RNLS: variants seen among roughly 807,000 people sequenced by gnomAD.
RNLS encodes renalase.
Under a neutral mutation model 39.8 loss-of-function variants are expected in RNLS, and 39 were observed. That is an observed-to-expected ratio of 0.98 (90% CI 0.76 to 1.28). The LOEUF (loss-of-function observed/expected upper bound fraction) is 1.28. RNLS is among the 50% of genes most tolerant of loss of function. The pLI, the probability that RNLS is intolerant of heterozygous loss-of-function variation, is 0.00. For missense variants in RNLS, 410 were observed against 413.3 expected (o/e 0.99, Z 0.07); for synonymous variants, 147 against 150.7 (o/e 0.98, Z 0.18).
At chr10:88,187,556 C>T in the RNLS span, among the ~76,000 whole-genome samples, 1 of 152,188 alleles carries the variant, frequency 6.6e-6, no homozygotes, top group Non-Finnish European at 1.5e-5. Context: ...CTTCTGTTGT[C>T]ATGGTGGCCT....
the RNLS span, among the ~76,000 whole-genome samples, chr10:88,258,272 C>A: frequency 1.3e-5 from 2 of 152,112 alleles, no homozygotes; most frequent in African/African-American, 4.8e-5. Context: ...GTAAGAGATT[C>A]TTTTAGTCAT....
In RNLS at chr10:88,520,088, G is replaced by A. The variant is rs560057476; in HGVS notation, c.526+52815C>T. Among the ~76,000 whole-genome samples the A allele has an allele frequency of 1.4e-4, 21 of 152,102 alleles. No individual in the cohort carries two copies. In the South Asian group the frequency reaches 4.1e-3, roughly 30 times the overall value. On this transcript the variant is annotated intron_variant, in intron 4 of 6. Transcript: ENST00000331772. ...TGCATGAAAAGTGGACAGCTGTCTG[G>A]AAGTGCCTCATTCCCTGATTCAGGG...
chr10:88,393,938 G>A, intron 4 of RNLS, among the ~76,000 whole-genome samples: 1 of 152,124 alleles, frequency 6.6e-6, no homozygotes, highest in Non-Finnish European at 1.5e-5. Context: ...AACAAGCAAT[G>A]GGGAAAGGAT....
chr10:88,178,294 G>A, the RNLS span, among the ~76,000 whole-genome samples: 2 of 152,146 alleles, frequency 1.3e-5, no homozygotes, highest in African/African-American at 4.8e-5. Flanking sequence ...TTGTACTCTG[G>A]TGGTTTCTTT....
intron 6 of RNLS, among the ~76,000 whole-genome samples, chr10:88,287,714 G>C (rs1290075736): frequency 6.6e-6 from 1 of 152,222 alleles, no homozygotes; most frequent in East Asian, 1.9e-4. Context: ...GTCTTACATG[G>C]CAGCAGGCAA....
intron 4 of RNLS, among the ~76,000 whole-genome samples, chr10:88,469,824 T>C (rs1483243876): frequency 1.8e-4 from 7 of 39,014 alleles, no homozygotes; most frequent in Non-Finnish European, 3.9e-4. Flanking sequence ...TGTGTGTGCG[T>C]GTGTGTGTGT....
chr10:88,420,192 C>A (rs1403277392), intron 4 of RNLS, among the ~76,000 whole-genome samples: 1 of 151,828 alleles, frequency 6.6e-6, no homozygotes, highest in South Asian at 2.1e-4. Context: ...AATAGGCGTG[C>A]AATTTATAGA....
chr10:88,405,603 A>T (rs1440220284), intron 4 of RNLS, among the ~76,000 whole-genome samples: 1 of 151,982 alleles, frequency 6.6e-6, no homozygotes, highest in Non-Finnish European at 1.5e-5. Context: ...GTGTTAGGTG[A>T]GTCTCCTGAA....
intron 6 of RNLS, among the ~76,000 whole-genome samples, chr10:88,302,634 A>G (rs1399104937): frequency 6.6e-6 from 1 of 152,214 alleles, no homozygotes; most frequent in Non-Finnish European, 1.5e-5. Flanking sequence ...TTGAACCTCA[A>G]GTTTCAAAGA....
At chr10:88,192,636 C>T in the RNLS span, among the ~76,000 whole-genome samples, 16 of 152,138 alleles carry the variant, frequency 1.1e-4, no homozygotes, top group Non-Finnish European at 2.1e-4. Flanking sequence ...ACCCTGAATG[C>T]GTTCATGGAA....
chr10:88,176,558 AT>A, the RNLS span, among the ~76,000 whole-genome samples: 3 of 152,022 alleles, frequency 2.0e-5, no homozygotes, highest in African/African-American at 7.2e-5. Context: ...TTTGTTAATT[AT>A]TTTTTGGCTG....
chr10:88,241,248 CA>C, the RNLS span, among the ~76,000 whole-genome samples: 276 of 133,332 alleles, frequency 2.1e-3, no homozygotes, highest in Admixed American at 3.3e-3. Flanking sequence ...TTTAATTTTT[CA>C]AAAAAAAAAA....
chr10:88,210,349 G>A, the RNLS span, among the ~76,000 whole-genome samples: 1 of 152,146 alleles, frequency 6.6e-6, no homozygotes, highest in East Asian at 1.9e-4. Context: ...AGAAAATGTT[G>A]AGTTGTGCAA....
intron 4 of RNLS, among the ~76,000 whole-genome samples, chr10:88,417,436 A>G (rs1411107161): frequency 6.6e-6 from 1 of 152,372 alleles, no homozygotes; most frequent in East Asian, 1.9e-4. Flanking sequence ...AAACAGCAAG[A>G]GTCCACATTT....
Position 88,583,241 on chromosome 10 carries a change from G to C in RNLS, c.-51C>G, listed in dbSNP as rs948350062. The C allele has an allele frequency of 1.9e-6, 3 of 1,603,346 alleles. No individual in the cohort carries two copies. The highest frequency in any genetic ancestry group is 2.6e-6 in the Non-Finnish European group (3 of 1,176,468). On this transcript the variant is annotated 5_prime_UTR_variant, in exon 1 of 7. Transcript: ENST00000331772. ...TGAGTCTCTGCGGCGGGGCCGTTCG[G>C]CCCGGGCTTTCTGGAAAGGCGGCCG...
chr10:88,457,150 T>C (rs901699594), intron 4 of RNLS, among the ~76,000 whole-genome samples: 1 of 152,208 alleles, frequency 6.6e-6, no homozygotes, highest in Admixed American at 6.5e-5. Context: ...GAATTTTCAT[T>C]TGGTGGTGTG....
the RNLS span, among the ~76,000 whole-genome samples, chr10:88,262,344 G>T: frequency 1.3e-5 from 2 of 152,096 alleles, no homozygotes; most frequent in African/African-American, 4.8e-5. Flanking sequence ...GTGAACTTTG[G>T]CATCTCAAGG....
chr10:88,457,791 A>T (rs1340440624), intron 4 of RNLS, among the ~76,000 whole-genome samples: 2 of 152,112 alleles, frequency 1.3e-5, no homozygotes, highest in Non-Finnish European at 2.9e-5. Flanking sequence ...AGGTGTCCCA[A>T]TCAACAAAGC....
At chr10:88,182,515 G>T in the RNLS span, among the ~76,000 whole-genome samples, 1 of 152,070 alleles carries the variant, frequency 6.6e-6, no homozygotes, top group Admixed American at 6.6e-5. Flanking sequence ...ACAGAAAGTA[G>T]CCACATTAAT....
Sources: allele counts gnomAD v4.1 joint callset (sites outside exome capture counted in the v4.1 genomes callset), GRCh38; gene constraint gnomAD v4.1.1; transcripts MANE v1.5; gene names NCBI Gene and HGNC (gene_info 2026-07-23, HGNC 2026-07-21).